POLQ: variants seen among roughly 807,000 people sequenced by gnomAD.
POLQ encodes epididymis secretory sperm binding protein.
A neutral mutation model predicts 259.2 loss-of-function variants in POLQ; 233 were observed. The ratio of observed to expected loss-of-function variants is 0.90; its 90% CI spans 0.81 to 1.00. The LOEUF is 1.00. Ranked by LOEUF, POLQ falls within the 50% of genes least tolerant of loss-of-function variation. POLQ has a pLI of 0.00. For missense variants in POLQ, 2,871 were observed against 3,051.6 expected, an observed-to-expected ratio of 0.94 and a Z score of 1.39; for synonymous variants, 1,025 against 1,048.8, an observed-to-expected ratio of 0.98 and a Z score of 0.44.
At chr3:121,483,184 T>TTAATGATACG in intron 18 of POLQ, among the ~76,000 whole-genome samples, 1 of 152,056 alleles carries the variant, frequency 6.6e-6, no homozygotes, top group African/African-American at 2.4e-5. Flanking sequence ...GCTCCAAATT[T>TTAATGATACG]GTGACATCTC....
At chr3:121,514,480 AC>A (rs1426001210) in intron 9 of POLQ, among the ~76,000 whole-genome samples, 2 of 151,566 alleles carry the variant, frequency 1.3e-5, no homozygotes, top group African/African-American at 4.9e-5. Flanking sequence ...TGACCTCATC[AC>A]CCCTTCCACT....
intron 11 of POLQ, 93 bp from the exon 12 acceptor site, chr3:121,509,796 C>A: frequency 7.8e-7 from 1 of 1,274,904 alleles, no homozygotes; most frequent in East Asian, 2.3e-5. Flanking sequence ...GCTAACCCTC[C>A]CGGCTGATAA....
chr3:121,443,031 T>C (rs1354454340), intron 26 of POLQ, among the ~76,000 whole-genome samples: 1 of 152,128 alleles, frequency 6.6e-6, no homozygotes, highest in Non-Finnish European at 1.5e-5. Flanking sequence ...CTAATTTTTG[T>C]ATATTTAGTA....
In POLQ at chr3:121,473,461, G is replaced by A. The variant is rs763034025; in HGVS notation, c.6432C>T (p.Pro2144=). 1.2e-5 allele frequency: 19 copies of A among 1,612,678 alleles called. No homozygotes were observed. Among genetic ancestry groups the A allele is most frequent in the Middle Eastern group, 1.7e-4 (1 of 6,058 alleles). The part of the protein sequence containing the change: ...AEVLFLELKL[P]PNREMKNQGS... ...CTTGGTTTTTCATCTCTCTATTTGG[G>A]GGCAACTTCAATTCCAAAAATAAAA... The change falls in exon 21 of 30, where the codon CCC becomes CCT. Residue 2144 remains proline (P), a synonymous_variant. Transcript: ENST00000264233.
Position 121,440,067 on chromosome 3 carries a change from T to A in POLQ, c.7314A>T (p.Gly2438=), listed in dbSNP as rs1235632471. 1 of 1,609,968 alleles carries A rather than the reference T, an allele frequency of 6.2e-7. No individual in the cohort carries two copies. Among genetic ancestry groups the A allele is most frequent in the Admixed American group, 1.7e-5 (1 of 59,972 alleles). Residue 2438 remains glycine (G), a synonymous_variant, in exon 27 of 30, where the codon GGA becomes GGT. Transcript: ENST00000264233. ...TETVKNCKRD[G]FVQTILGRRR... ...GCCTTCCCAAAATGGTCTGAACAAA[T>A]CCGTCTCTTTTACAATTCTTCACTG...
chr3:121,502,238 G>A (rs1006861990), intron 12 of POLQ, among the ~76,000 whole-genome samples: 6 of 152,036 alleles, frequency 3.9e-5, no homozygotes, highest in Non-Finnish European at 7.4e-5. Flanking sequence ...TTTGAGACAG[G>A]GTCTCACTCA....
At chr3:121,543,047 G>T (rs1375993112) in intron 2 of POLQ, among the ~76,000 whole-genome samples, 1 of 152,062 alleles carries the variant, frequency 6.6e-6, no homozygotes, top group African/African-American at 2.4e-5. Flanking sequence ...GAATGAACTA[G>T]TTTCAAAGCT....
In POLQ at chr3:121,535,411, C is replaced by A. The variant is rs371454239; in HGVS notation, c.740+1689G>T. Among the ~76,000 whole-genome samples the A allele has an allele frequency of 1.1e-4, 17 of 152,174 alleles. No homozygotes were observed. The East Asian group carries it at 2.5e-3, about 22-fold the overall frequency. On this transcript the variant is annotated intron_variant, in intron 5 of 29. Transcript: ENST00000264233. ...AGTATTTCTAATCTTGACTTTTATA[C>A]CTGGACAGTCCATAATTATGGAGGC...
chr3:121,458,240 T>C (rs1432838393), intron 25 of POLQ, among the ~76,000 whole-genome samples: 25 of 151,350 alleles, frequency 1.7e-4, no homozygotes. Flanking sequence ...TGTTGTGTGG[T>C]GGGGGAATGG....
At chr3:121,503,739 TAC>T (rs1276289435) in intron 12 of POLQ, among the ~76,000 whole-genome samples, 1 of 152,250 alleles carries the variant, frequency 6.6e-6, no homozygotes, top group Non-Finnish European at 1.5e-5. Flanking sequence ...TCCTGCCATA[TAC>T]AGAGTAATCA....
intron 25 of POLQ, among the ~76,000 whole-genome samples, chr3:121,456,034 A>G (rs1048775206): frequency 1.3e-5 from 2 of 152,206 alleles, no homozygotes; most frequent in African/African-American, 4.8e-5. Context: ...CTTATCCACC[A>G]TGATCAAGTG....
intron 16 of POLQ, among the ~76,000 whole-genome samples, chr3:121,485,483 T>G (rs1251520616): frequency 1.3e-5 from 2 of 152,192 alleles, no homozygotes; most frequent in Non-Finnish European, 2.9e-5. Flanking sequence ...TACAGATCAT[T>G]TGCATACTAC....
At chr3:121,510,322 A>G in intron 10 of POLQ, 79 bp from the exon 11 acceptor site, 4 of 963,402 alleles carry the variant, frequency 4.2e-6, no homozygotes, top group Non-Finnish European at 6.5e-6. Context: ...TCATGCCTGT[A>G]ATCCCAGCAC....
intron 28 of POLQ, among the ~76,000 whole-genome samples, chr3:121,433,616 T>C (rs1459531137): frequency 6.6e-6 from 1 of 152,166 alleles, no homozygotes; most frequent in East Asian, 1.9e-4. Context: ...TGTCTGTACG[T>C]TTTTCTGTGG....
rs1388006932 is a variant in POLQ at position 121,489,869 on chromosome 3, T to C, written c.3062A>G (p.Gln1021Arg). The change falls in exon 16 of 30, where the codon CAG (glutamine) becomes CGG (arginine). Residue 1021 changes from glutamine to arginine, a missense_variant. By Grantham distance (43) the Gln-to-Arg change is conservative. Transcript: ENST00000264233. ...SDKKVVQTFS[Q>R]KTKKAPLNFN... The stretch of plus-strand genomic sequence containing the variant: ...ATTCAAAGGTGCCTTTTTTGTTTTC[T>C]GTGAAAAAGTCTGAACAACTTTCTT... The C allele has an allele frequency of 6.2e-7, 1 of 1,606,868 alleles. No individual in the cohort carries two copies.
At chr3:121,499,548 C>T (rs1433090409) in intron 12 of POLQ, among the ~76,000 whole-genome samples, 1 of 152,190 alleles carries the variant, frequency 6.6e-6, no homozygotes, top group African/African-American at 2.4e-5. Flanking sequence ...AGCCACTGCG[C>T]CCGGCCAGAA....
rs2047973549 is a variant in POLQ at position 121,481,767 on chromosome 3, G to T, written c.6016C>A (p.His2006Asn). ...GGAAGAAAACTGGTAACTATGCTATGAAGAGTCGGCTCCTGAGAATCTGGA... is the reference window on the plus strand; with the variant it reads ...GGAAGAAAACTGGTAACTATGCTATTAAGAGTCGGCTCCTGAGAATCTGGA... ...LDPDSQEPTL[H>N]SIVTSFLPHE... Residue 2006 changes from histidine (H) to asparagine (N), a missense_variant, in exon 19 of 30, where the codon CAT becomes AAT. His to Asn is a moderately conservative substitution (Grantham distance 68). Transcript: ENST00000264233. 1 of 1,613,520 alleles carries T rather than the reference G, an allele frequency of 6.2e-7. No individual in the cohort carries two copies. The highest frequency in any genetic ancestry group is 8.5e-7 in the Non-Finnish European group (1 of 1,179,502).
chr3:121,528,531 C>T (rs1036284572), intron 7 of POLQ, among the ~76,000 whole-genome samples: 1 of 151,730 alleles, frequency 6.6e-6, no homozygotes, highest in Non-Finnish European at 1.5e-5. Flanking sequence ...TTAGTACAAA[C>T]GGGGTTTCAC....
intron 21 of POLQ, 37 bp from the exon 22 acceptor site, chr3:121,472,201 C>G (rs1405693193): frequency 1.0e-6 from 1 of 953,106 alleles, no homozygotes; most frequent in African/African-American, 1.6e-5. Context: ...GAATTCTTGT[C>G]CAAATTCCAC....
Sources: gnomAD v4.1 joint callset for allele counts (sites outside exome capture counted in the v4.1 genomes callset) on GRCh38, gnomAD v4.1.1 for gene constraint, MANE v1.5 for transcripts, NCBI Gene and HGNC (gene_info 2026-07-23, HGNC 2026-07-21) for gene names.